The following PTPRD variants were observed in gnomAD, a reference collection of about 807,000 sequenced individuals.
PTPRD encodes the protein receptor-type tyrosine-protein phosphatase delta.
In PTPRD, 34 loss-of-function variants were observed where a neutral mutation model predicts 214.5. The ratio of observed to expected loss-of-function variants is 0.16; its 90% CI spans 0.12 to 0.21. The LOEUF (loss-of-function observed/expected upper bound fraction) is 0.21. Ranked by LOEUF, PTPRD falls within the 10% of genes least tolerant of loss-of-function variation. The pLI, the probability that PTPRD is intolerant of heterozygous loss-of-function variation, is 1.00. For synonymous variants in PTPRD, 1,128 were observed against 845.7 expected, an observed-to-expected ratio of 1.33 and a Z score of -5.79; for missense variants, 2,545 against 2,398.7, an observed-to-expected ratio of 1.06 and a Z score of -1.27.
chr9:9,463,009 G>A (rs1024829574), intron 8 of PTPRD, among the ~76,000 whole-genome samples: 4 of 152,144 alleles, frequency 2.6e-5, no homozygotes, highest in Admixed American at 6.5e-5. Flanking sequence ...AAGTAAAAAA[G>A]ATTGTTTGTG....
At chr9:9,610,711 G>C (rs1317906894) in intron 7 of PTPRD, among the ~76,000 whole-genome samples, 1 of 152,100 alleles carries the variant, frequency 6.6e-6, no homozygotes. Flanking sequence ...ATTTTAACTA[G>C]TATAATTATT....
rs543944028 is a variant in PTPRD at position 9,014,057 on chromosome 9, T to C, written c.-104+4640A>G. ...GTTCATAATAAGTACTTGTTGTAGA[T>C]AACACCATTTTTCTATAATAAGTAA... On this transcript the variant is annotated intron_variant, in intron 11 of 45. Transcript: ENST00000381196. Among the ~76,000 whole-genome samples, 3 of 152,238 alleles carry C rather than the reference T, an allele frequency of 2.0e-5. No homozygotes were observed. In the South Asian group the frequency reaches 6.2e-4, roughly 32 times the overall value.
intron 11 of PTPRD, among the ~76,000 whole-genome samples, chr9:8,737,961 T>G (rs920258034): frequency 8.7e-5 from 13 of 149,582 alleles, no homozygotes; most frequent in Non-Finnish European, 1.5e-4. Context: ...CTGTCTTTCA[T>G]CAGCAGGGAC....
intron 3 of PTPRD, among the ~76,000 whole-genome samples, chr9:10,155,162 C>G (rs2099085462): frequency 6.6e-6 from 1 of 151,972 alleles, no homozygotes; most frequent in African/African-American, 2.4e-5. Context: ...GCTCTTTCAC[C>G]TACATGGTTA....
chr9:9,974,368 T>C (rs7847554), intron 4 of PTPRD, among the ~76,000 whole-genome samples: 1 of 151,992 alleles, frequency 6.6e-6, no homozygotes, highest in East Asian at 1.9e-4. Context: ...TCCTTTGCTA[T>C]TAAGGAAACT....
chr9:9,281,262 C>T (rs1947596005), intron 9 of PTPRD, among the ~76,000 whole-genome samples: 1 of 151,080 alleles, frequency 6.6e-6, no homozygotes, highest in Admixed American at 6.6e-5. Flanking sequence ...GTCTGGGCCT[C>T]ACTGAAATTA....
chr9:10,506,740 T>C (rs2046116826), intron 2 of PTPRD, among the ~76,000 whole-genome samples: 1 of 152,182 alleles, frequency 6.6e-6, no homozygotes, highest in South Asian at 2.1e-4. Flanking sequence ...TTATCTTTCA[T>C]GGCCTTCACT....
intron 11 of PTPRD, among the ~76,000 whole-genome samples, chr9:8,920,745 A>G (rs2098821777): frequency 6.6e-6 from 1 of 152,216 alleles, no homozygotes; most frequent in Non-Finnish European, 1.5e-5. Context: ...TATAAGACAG[A>G]ATACTAAAAC....
intron 4 of PTPRD, among the ~76,000 whole-genome samples, chr9:9,998,444 T>C (rs1011891457): frequency 6.6e-6 from 1 of 151,810 alleles, no homozygotes; most frequent in African/African-American, 2.4e-5. Flanking sequence ...TCCAGGCCTC[T>C]CCCCTTCCCA....
intron 11 of PTPRD, among the ~76,000 whole-genome samples, chr9:8,762,911 G>A (rs934375179): frequency 5.3e-5 from 8 of 152,098 alleles, no homozygotes; most frequent in South Asian, 2.1e-4. Flanking sequence ...AACATGCATC[G>A]CCTACTCATC....
chr9:8,344,538 G>A (rs886426797), intron 39 of PTPRD, among the ~76,000 whole-genome samples: 1 of 151,802 alleles, frequency 6.6e-6, no homozygotes, highest in Non-Finnish European at 1.5e-5. Flanking sequence ...AATAACAGAG[G>A]CTATGACTTG....
intron 5 of PTPRD, among the ~76,000 whole-genome samples, chr9:9,880,385 G>GC: frequency 6.6e-6 from 1 of 152,180 alleles, no homozygotes; most frequent in Non-Finnish European, 1.5e-5. Context: ...TTAATGGCTA[G>GC]CATTTAAGTG....
chr9:8,766,402 G>C (rs996669243), intron 11 of PTPRD, among the ~76,000 whole-genome samples: 5 of 151,966 alleles, frequency 3.3e-5, no homozygotes, highest in Admixed American at 6.6e-5. Context: ...TATTCTGCAG[G>C]GTCAGGTCCC....
intron 3 of PTPRD, among the ~76,000 whole-genome samples, chr9:10,082,840 A>AC (rs1555566891): frequency 5.5e-5 from 7 of 128,298 alleles, no homozygotes; most frequent in African/African-American, 1.4e-4. Flanking sequence ...CACACACACA[A>AC]ACACACACAC....
chr9:10,511,444 C>T (rs2047969064), intron 2 of PTPRD, among the ~76,000 whole-genome samples: 1 of 151,996 alleles, frequency 6.6e-6, no homozygotes, highest in South Asian at 2.1e-4. Context: ...TGATCTGTCA[C>T]CCAGGCTGTA....
At chr9:9,907,017 A>G (rs2077752776) in intron 5 of PTPRD, among the ~76,000 whole-genome samples, 1 of 151,824 alleles carries the variant, frequency 6.6e-6, no homozygotes, top group African/African-American at 2.4e-5. Context: ...AAATTACCTA[A>G]GTTTTCTTAT....
At chr9:9,289,678 T>C (rs1353602343) in intron 9 of PTPRD, among the ~76,000 whole-genome samples, 1 of 151,808 alleles carries the variant, frequency 6.6e-6, no homozygotes, top group Non-Finnish European at 1.5e-5. Context: ...TTTTTGAATG[T>C]TTTAAATTCC....
At chr9:9,879,948 G>A (rs920817127) in intron 5 of PTPRD, among the ~76,000 whole-genome samples, 3 of 152,138 alleles carry the variant, frequency 2.0e-5, no homozygotes, top group Non-Finnish European at 4.4e-5. Context: ...TATGCCTGAA[G>A]TAAAAACATG....
intron 4 of PTPRD, among the ~76,000 whole-genome samples, chr9:9,980,963 T>C (rs1397358341): frequency 6.6e-6 from 1 of 152,152 alleles, no homozygotes; most frequent in African/African-American, 2.4e-5. Context: ...TCCATCTGTA[T>C]AGTCATTCTG....
Sources: gnomAD v4.1 joint callset for allele counts (sites outside exome capture counted in the v4.1 genomes callset) on GRCh38, gnomAD v4.1.1 for gene constraint, MANE v1.5 for transcripts, NCBI Gene and HGNC (gene_info 2026-07-23, HGNC 2026-07-21) for gene names.